SCD5: variants seen among roughly 807,000 people sequenced by gnomAD.
SCD5 encodes acyl-CoA-desaturase 4.
In SCD5, 20 loss-of-function variants were observed where a neutral mutation model predicts 30.4. The observed-to-expected ratio is 0.66, with a 90% CI of 0.46 to 0.96. SCD5 has a LOEUF of 0.96. Among genes scored for constraint, SCD5 ranks in the 40% least tolerant of loss-of-function variants. The probability of loss-of-function intolerance (pLI) is 0.00; values close to 1 mark genes in which losing one functional copy is unlikely to be tolerated. For synonymous variants in SCD5, 173 were observed against 176.4 expected (o/e 0.98, Z 0.16); for missense variants, 381 against 443.3 (o/e 0.86, Z 1.26).
intron 1 of SCD5, among the ~76,000 whole-genome samples, chr4:82,734,768 T>C (rs1479008346): frequency 3.6e-5 from 2 of 55,414 alleles, no homozygotes; most frequent in African/African-American, 2.3e-4. Flanking sequence ...TGAGCTCAAT[T>C]TTTTTTTTTT....
chr4:82,696,867 A>G (rs1028855280), intron 2 of SCD5, among the ~76,000 whole-genome samples: 6 of 152,250 alleles, frequency 3.9e-5, no homozygotes, highest in Admixed American at 2.0e-4. Context: ...TTGCATTGCA[A>G]TACAGTCTTC....
chr4:82,631,366 G>C lies in SCD5; in HGVS notation c.954C>G (p.Ile318Met). 6.2e-7 allele frequency: 1 copy of C among 1,614,048 alleles called. No homozygotes were observed. Among genetic ancestry groups the C allele is most frequent in the Non-Finnish European group, 8.5e-7 (1 of 1,180,010 alleles). The change falls in exon 5 of 5, where the codon ATC (isoleucine) becomes ATG (methionine). Residue 318 changes from isoleucine (I) to methionine (M), a missense_variant. Ile to Met is a conservative substitution (Grantham distance 10). Transcript: ENST00000319540. ...TDRKRATKPM[I>M]EARKARTGDS... is the part of the protein sequence containing the mutation. ...CTCCAGTCCTGGCCTTCCGGGCCTC[G>C]ATCATCGGCTTGGTTGCCCGTTTGC...
At chr4:82,766,432 T>C (rs1487638157) in intron 1 of SCD5, among the ~76,000 whole-genome samples, 1 of 152,218 alleles carries the variant, frequency 6.6e-6, no homozygotes, top group African/African-American at 2.4e-5. Context: ...GAAGTTTAAT[T>C]TGGGTCTTTT....
chr4:82,679,213 A>AGAG (rs1212517010), intron 3 of SCD5, among the ~76,000 whole-genome samples: 1 of 28,662 alleles, frequency 3.5e-5, no homozygotes, highest in Non-Finnish European at 7.5e-5. Flanking sequence ...AAAAAAAAAA[A>AGAG]AGAAAGAAAA....
At chr4:82,773,238 A>T in intron 1 of SCD5, among the ~76,000 whole-genome samples, 1 of 152,122 alleles carries the variant, frequency 6.6e-6, no homozygotes, top group Admixed American at 6.5e-5. Flanking sequence ...TCAAGTCCCT[A>T]AAGACGACAT....
intron 3 of SCD5, chr4:82,660,487 T>C: frequency 1.0e-6 from 1 of 977,220 alleles, no homozygotes; most frequent in Non-Finnish European, 1.2e-6. Flanking sequence ...TTTTTATAAA[T>C]GGAATATCTC....
At chr4:82,774,589 G>A (rs1036391798) in intron 1 of SCD5, among the ~76,000 whole-genome samples, 8 of 152,070 alleles carry the variant, frequency 5.3e-5, no homozygotes, top group African/African-American at 9.7e-5. Flanking sequence ...AAAATTCCTC[G>A]AAAAGAAAGA....
At chr4:82,679,767 T>TC (rs1208762995) in intron 3 of SCD5, among the ~76,000 whole-genome samples, 1 of 152,122 alleles carries the variant, frequency 6.6e-6, no homozygotes, top group Non-Finnish European at 1.5e-5. Flanking sequence ...AAGAGCACAG[T>TC]CCTAAGCCAT....
chr4:82,770,383 G>A (rs1212427240), intron 1 of SCD5, among the ~76,000 whole-genome samples: 1 of 152,154 alleles, frequency 6.6e-6, no homozygotes, highest in Non-Finnish European at 1.5e-5. Flanking sequence ...CATCAGAGCA[G>A]GAGTACCTGA....
chr4:82,694,939 C>T (rs1020159466), intron 2 of SCD5, among the ~76,000 whole-genome samples: 2 of 151,254 alleles, frequency 1.3e-5, no homozygotes, highest in African/African-American at 2.4e-5. Context: ...AGTGAATTAT[C>T]AAACCTAAGG....
At chr4:82,793,850 C>T (rs1387497962) in intron 1 of SCD5, among the ~76,000 whole-genome samples, 1 of 152,166 alleles carries the variant, frequency 6.6e-6, no homozygotes, top group Non-Finnish European at 1.5e-5. Context: ...ATCTGCCTGT[C>T]TACTGAGCCT....
At chr4:82,786,194 T>C (rs1721983029) in intron 1 of SCD5, among the ~76,000 whole-genome samples, 1 of 152,188 alleles carries the variant, frequency 6.6e-6, no homozygotes. Flanking sequence ...TGGTCTTTGT[T>C]TTCTTACACA....
At chr4:82,686,628 C>T (rs1037206667) in intron 2 of SCD5, among the ~76,000 whole-genome samples, 2 of 151,964 alleles carry the variant, frequency 1.3e-5, no homozygotes, top group Admixed American at 6.6e-5. Context: ...TTAAATAGTA[C>T]TTGTGTGTGT....
intron 3 of SCD5, among the ~76,000 whole-genome samples, chr4:82,643,573 A>G (rs1385978585): frequency 6.6e-6 from 1 of 152,186 alleles, no homozygotes; most frequent in African/African-American, 2.4e-5. Context: ...GGGTGAAGAG[A>G]AAGTTATTAT....
chr4:82,734,745 A>G (rs549772463), intron 1 of SCD5, among the ~76,000 whole-genome samples: 3 of 150,994 alleles, frequency 2.0e-5, no homozygotes, highest in South Asian at 2.1e-4. Context: ...CCTATAGTCA[A>G]TATTTATAAA....
chr4:82,636,515 A>C, intron 4 of SCD5, 76 bp downstream of exon 4: 1 of 1,151,862 alleles, frequency 8.7e-7, no homozygotes, highest in Non-Finnish European at 1.3e-6. Context: ...CTCTTTACTG[A>C]TTCCACAAAA....
chr4:82,679,261 AAGG>A (rs1455724607), intron 3 of SCD5, among the ~76,000 whole-genome samples: 2 of 103,956 alleles, frequency 1.9e-5, no homozygotes, highest in Non-Finnish European at 4.0e-5. Flanking sequence ...AGAAAGAAAG[AAGG>A]AAGGAAAGAA....
At chr4:82,688,477 C>T (rs916548002) in intron 2 of SCD5, among the ~76,000 whole-genome samples, 1 of 152,148 alleles carries the variant, frequency 6.6e-6, no homozygotes, top group African/African-American at 2.4e-5. Context: ...TAATCTCCTC[C>T]AGTTCAGACG....
At chr4:82,738,085 A>G (rs936737002) in intron 1 of SCD5, among the ~76,000 whole-genome samples, 4 of 152,172 alleles carry the variant, frequency 2.6e-5, no homozygotes, top group African/African-American at 9.7e-5. Context: ...GCATCACACA[A>G]AATACTTGAT....
Sources: allele counts gnomAD v4.1 joint callset (sites outside exome capture counted in the v4.1 genomes callset), GRCh38; gene constraint gnomAD v4.1.1; transcripts MANE v1.5; gene names NCBI Gene and HGNC (gene_info 2026-07-23, HGNC 2026-07-21).